The following ADGRA1 variants were observed in gnomAD, a reference collection of about 807,000 sequenced individuals.
The protein encoded by ADGRA1 is G-protein coupled receptor 123.
In ADGRA1, 12 loss-of-function variants were observed where a neutral mutation model predicts 21.3. The observed-to-expected ratio is 0.56, with a 90% CI of 0.36 to 0.91. The LOEUF is 0.91. Among genes scored for constraint, ADGRA1 ranks in the 40% least tolerant of loss-of-function variants. ADGRA1 has a pLI of 0.01. For synonymous variants in ADGRA1, 385 were observed against 368.8 expected, an observed-to-expected ratio of 1.04 and a Z score of -0.50; for missense variants, 790 against 805.6, an observed-to-expected ratio of 0.98 and a Z score of 0.23.
intron 5 of ADGRA1, among the ~76,000 whole-genome samples, chr10:133,119,189 G>A (rs536811179): frequency 2.4e-4 from 36 of 152,234 alleles, no homozygotes; most frequent in African/African-American, 7.0e-4. Context: ...AAACCGAGAC[G>A]GGCGTGGCAG....
chr10:133,102,556 C>T (rs574617734), intron 4 of ADGRA1, 141 bp from the exon 5 acceptor site: 26 of 951,624 alleles, frequency 2.7e-5, no homozygotes, highest in East Asian at 1.3e-4. Flanking sequence ...GGCTGTGGGG[C>T]GGCCGCTGCC....
At position 133,117,057 on chromosome 10, in the gene ADGRA1, C is replaced by G. The variant is rs1045203598; in HGVS notation, c.402-10176C>G. Among the ~76,000 whole-genome samples, 10 of 152,124 alleles carry G rather than the reference C, an allele frequency of 6.6e-5. 1 individual carries two copies. Among genetic ancestry groups the G allele is most frequent in the Admixed American group, 5.9e-4 (9 of 15,278 alleles). Reference sequence around the variant, plus strand: ...CTGTAGTGGGGTCCAGGGCTCAGTCCCAGGTGCTCTCATGGAGGCACAGGC... The same window carrying G: ...CTGTAGTGGGGTCCAGGGCTCAGTCGCAGGTGCTCTCATGGAGGCACAGGC... On this transcript the variant is annotated intron_variant, in intron 5 of 6. Transcript: ENST00000392607.
chr10:133,123,714 T>TCCCC (rs3058111), intron 5 of ADGRA1, among the ~76,000 whole-genome samples: 8 of 144,774 alleles, frequency 5.5e-5, no homozygotes, highest in Non-Finnish European at 1.1e-4. Flanking sequence ...ACTGCCTCCC[T>TCCCC]CCCCCCCCCC....
At chr10:133,101,436 G>T (rs1470942721) in intron 4 of ADGRA1, among the ~76,000 whole-genome samples, 1 of 152,216 alleles carries the variant, frequency 6.6e-6, no homozygotes, top group Non-Finnish European at 1.5e-5. Context: ...GCAGCACCGT[G>T]GGACGCTGGT....
chr10:133,113,615 G>T (rs1046515786), intron 5 of ADGRA1, among the ~76,000 whole-genome samples: 1 of 152,220 alleles, frequency 6.6e-6, no homozygotes, highest in African/African-American at 2.4e-5. Context: ...ACTCCCTCCT[G>T]TTCCATCTGG....
intron 2 of ADGRA1, among the ~76,000 whole-genome samples, chr10:133,096,216 T>C (rs1291991090): frequency 6.6e-6 from 1 of 152,170 alleles, no homozygotes; most frequent in East Asian, 1.9e-4. Context: ...CTGATGCCCC[T>C]GAAGCCCCCT....
At chr10:133,088,958 C>A in intron 2 of ADGRA1, 46 bp downstream of exon 2, 1 of 1,237,108 alleles carries the variant, frequency 8.1e-7, no homozygotes, top group Non-Finnish European at 1.0e-6. Flanking sequence ...GGCTAGGCCG[C>A]TGCGGGGGGG....
intron 5 of ADGRA1, among the ~76,000 whole-genome samples, chr10:133,123,204 T>C (rs1362128129): frequency 1.3e-5 from 2 of 152,142 alleles, no homozygotes; most frequent in Non-Finnish European, 2.9e-5. Context: ...TCTGCGCCCG[T>C]CCCTCTGCGC....
intron 4 of ADGRA1, chr10:133,102,169 G>A (rs1190729991): frequency 4.4e-6 from 2 of 452,172 alleles, no homozygotes; most frequent in African/African-American, 4.0e-5. Flanking sequence ...CGGCCCCGTG[G>A]GGGGCTCATC....
In ADGRA1 at chr10:133,128,793, CGCCCCGCAAGG is replaced by C; in HGVS notation, c.966_976del (p.Pro323ArgfsTer6). On this transcript the variant is annotated frameshift_variant, in exon 7 of 7. Transcript: ENST00000392607. LOFTEE classifies it low-confidence loss of function (END_TRUNC). ...TGGCAGTGCTGGTGGGCATGCTGCC[CGCCCCGCAAGG>C]ACGCCCACCCCGCACTTGACGCCAA... 6.2e-7 allele frequency: 1 copy of C among 1,609,380 alleles called. No individual in the cohort carries two copies. The highest frequency in any genetic ancestry group is 1.1e-5 in the South Asian group (1 of 90,858).
chr10:133,118,227 C>A (rs1057188836), intron 5 of ADGRA1, among the ~76,000 whole-genome samples: 1 of 152,202 alleles, frequency 6.6e-6, no homozygotes, highest in Admixed American at 6.5e-5. Flanking sequence ...AGCGGATGTA[C>A]GGTCCATGGA....
At chr10:133,127,566 G>A (rs909880544) in intron 6 of ADGRA1, among the ~76,000 whole-genome samples, 13 of 152,100 alleles carry the variant, frequency 8.5e-5, no homozygotes, top group African/African-American at 1.4e-4. Context: ...GGCAGGCCTG[G>A]TTTGCCTTCT....
intron 2 of ADGRA1, among the ~76,000 whole-genome samples, chr10:133,090,145 G>A (rs954755385): frequency 4.6e-5 from 7 of 152,262 alleles, no homozygotes; most frequent in East Asian, 1.9e-4. Flanking sequence ...CAGCCCGGGG[G>A]TCCCTCTCAT....
intron 2 of ADGRA1, among the ~76,000 whole-genome samples, chr10:133,092,186 C>T (rs1455539870): frequency 1.3e-5 from 2 of 152,212 alleles, no homozygotes; most frequent in African/African-American, 2.4e-5. Context: ...TAAGGATGGT[C>T]GGTCGCGCGT....
At chr10:133,120,803 C>G (rs1852239407) in intron 5 of ADGRA1, among the ~76,000 whole-genome samples, 1 of 152,232 alleles carries the variant, frequency 6.6e-6, no homozygotes, top group Non-Finnish European at 1.5e-5. Flanking sequence ...AATAATTTAT[C>G]CTTTGCATTC....
chr10:133,128,436 G>T lies in ADGRA1; in HGVS notation c.608G>T (p.Arg203Leu). The T allele has an allele frequency of 6.2e-7, 1 of 1,603,736 alleles. No homozygotes were observed. The highest frequency in any genetic ancestry group is 8.5e-7 in the Non-Finnish European group (1 of 1,176,324). ...YFLGTYVQLR[R>L]HPGRRYELRT... ...CTGGGCACCTACGTGCAGCTGCGGC[G>T]CCACCCAGGGCGCAGGTACGAGCTG... The change falls in exon 7 of 7, where the codon CGC (arginine) becomes CTC (leucine). Residue 203 changes from arginine to leucine, a missense_variant. Coordinates refer to ENST00000392607, the MANE Select transcript of ADGRA1 (RefSeq NM_001083909.3).
chr10:133,112,934 T>G (rs1310347111), intron 5 of ADGRA1, among the ~76,000 whole-genome samples: 1 of 149,212 alleles, frequency 6.7e-6, no homozygotes, highest in African/African-American at 2.5e-5. Flanking sequence ...GTCGGTTATT[T>G]GAGGTCTGCG....
chr10:133,098,619 C>A, intron 3 of ADGRA1, 21 bp from the exon 4 acceptor site: 1 of 1,600,910 alleles, frequency 6.2e-7, no homozygotes, highest in African/African-American at 1.3e-5. Context: ...TCATGTGAAA[C>A]CCTCCTTTCC....
At chr10:133,115,046 C>T (rs1285647506) in intron 5 of ADGRA1, among the ~76,000 whole-genome samples, 4 of 152,186 alleles carry the variant, frequency 2.6e-5, no homozygotes, top group Admixed American at 6.5e-5. Flanking sequence ...GCGCCACTGT[C>T]CTGGGGACGT....
Sources: allele counts gnomAD v4.1 joint callset (sites outside exome capture counted in the v4.1 genomes callset), GRCh38; gene constraint gnomAD v4.1.1; transcripts MANE v1.5; gene names NCBI Gene and HGNC (gene_info 2026-07-23, HGNC 2026-07-21).